NSRP1: variants seen among roughly 807,000 people sequenced by gnomAD.
NSRP1 encodes the protein nuclear speckle splicing regulatory protein 1, also known as coiled-coil domain containing 55.
Under a neutral mutation model 54.7 loss-of-function variants are expected in NSRP1, and 24 were observed. The ratio of observed to expected loss-of-function variants is 0.44; its 90% CI spans 0.32 to 0.62. NSRP1 has a LOEUF of 0.62. Among genes scored for constraint, NSRP1 ranks in the 20% least tolerant of loss-of-function variants. The pLI is 0.06. For synonymous variants in NSRP1, 210 were observed against 213.8 expected (o/e 0.98, Z 0.15); for missense variants, 596 against 651.2 (o/e 0.92, Z 0.92).
At chr17:30,178,716 A>G (rs1454797049) in intron 4 of NSRP1, among the ~76,000 whole-genome samples, 1 of 152,192 alleles carries the variant, frequency 6.6e-6, no homozygotes, top group Non-Finnish European at 1.5e-5. Context: ...GTTATCTACT[A>G]GTAGAGTGAT....
At chr17:30,135,315 A>T (rs2071739748) in intron 2 of NSRP1, among the ~76,000 whole-genome samples, 1 of 146,516 alleles carries the variant, frequency 6.8e-6, no homozygotes, top group East Asian at 2.0e-4. Context: ...TAGAGACAGG[A>T]TTTCACCATG....
At chr17:30,122,387 T>TATATA (rs56155916) in intron 2 of NSRP1, 16 of 8,840 alleles carry the variant, frequency 1.8e-3, no homozygotes, top group South Asian at 0.012. Context: ...ATATATATAT[T>TATATA]TTTTTTTTTT....
intron 2 of NSRP1, among the ~76,000 whole-genome samples, chr17:30,131,548 T>TAA (rs58511161): frequency 2.5e-4 from 38 of 152,100 alleles, no homozygotes; most frequent in East Asian, 1.2e-3. Flanking sequence ...GCATTATAGC[T>TAA]AAAAAAATGC....
At chr17:30,149,300 T>A (rs545544181) in intron 2 of NSRP1, among the ~76,000 whole-genome samples, 8 of 152,124 alleles carry the variant, frequency 5.3e-5, no homozygotes, top group Non-Finnish European at 7.4e-5. Context: ...TCCTCCAACC[T>A]TGGCCTCCCA....
chr17:30,133,584 A>G (rs1340585494), intron 2 of NSRP1, among the ~76,000 whole-genome samples: 1 of 152,160 alleles, frequency 6.6e-6, no homozygotes, highest in Non-Finnish European at 1.5e-5. Context: ...CAAATTGTCA[A>G]TGAGAGTCAG....
intron 2 of NSRP1, among the ~76,000 whole-genome samples, chr17:30,169,867 G>T (rs1904863563): frequency 6.7e-6 from 1 of 149,994 alleles, no homozygotes; most frequent in South Asian, 2.1e-4. Flanking sequence ...AGCACCAATT[G>T]CTGGTACAAT....
chr17:30,174,053 T>G lies in NSRP1; in HGVS notation c.171+1455T>G, dbSNP rs146702757. On this transcript the variant is annotated intron_variant, in intron 3 of 6. Transcript: ENST00000247026. ...TTTGGAGATACCATTAAGTTCAACT[T>G]CCTCACTATATAAATGGGAGACTTA... is the stretch of plus-strand genomic sequence containing the variant. Among the ~76,000 whole-genome samples the G allele has an allele frequency of 7.2e-4, 110 of 152,336 alleles. No individual in the cohort carries two copies. In the East Asian group the frequency reaches 0.018, roughly 25 times the overall value.
chr17:30,185,305 T>G lies in NSRP1; in HGVS notation c.1308T>G (p.Asp436Glu), dbSNP rs138101458. The G allele has an allele frequency of 2.6e-4, 413 of 1,604,540 alleles. 2 individuals carry two copies. The East Asian group carries it at 7.8e-3, about 30-fold the overall frequency. ...ERYENNDKYR[D>E]REKREVGVQS... is the part of the protein sequence containing the mutation. Reference sequence around the variant, plus strand: ...ATGAAAATAATGATAAATACAGAGATAGAGAAAAACGAGAGGTAGGTGTTC... The same window carrying G: ...ATGAAAATAATGATAAATACAGAGAGAGAGAAAAACGAGAGGTAGGTGTTC... The change falls in exon 7 of 7, where the codon GAT (aspartate) becomes GAG (glutamate). Residue 436 changes from aspartate to glutamate, a missense_variant. Coordinates refer to ENST00000247026, the MANE Select transcript of NSRP1 (RefSeq NM_032141.4).
intron 1 of NSRP1, 140 bp downstream of exon 1, chr17:30,117,003 G>A: frequency 9.3e-7 from 1 of 1,069,610 alleles, no homozygotes; most frequent in Non-Finnish European, 1.4e-6. Flanking sequence ...GAGAAGTCCT[G>A]AGGAACATAG....
At chr17:30,127,554 C>G (rs1406746449) in intron 2 of NSRP1, among the ~76,000 whole-genome samples, 1 of 152,124 alleles carries the variant, frequency 6.6e-6, no homozygotes, top group Non-Finnish European at 1.5e-5. Flanking sequence ...GCTGGCACCA[C>G]AGGGATGTGC....
chr17:30,131,001 T>G (rs889738872), intron 2 of NSRP1, among the ~76,000 whole-genome samples: 4 of 152,086 alleles, frequency 2.6e-5, no homozygotes, highest in Non-Finnish European at 5.9e-5. Flanking sequence ...GTGGTGGTGG[T>G]GGGGGGTGAT....
chr17:30,172,932 GATAGATACAAATATATAGATAT>G (rs1454299966), intron 3 of NSRP1, among the ~76,000 whole-genome samples: 1 of 151,288 alleles, frequency 6.6e-6, no homozygotes, highest in Non-Finnish European at 1.5e-5. Flanking sequence ...GAATATCAGA[GATAGATACAAATATATAGATAT>G]ATAGATATAT....
Position 30,184,923 on chromosome 17 carries a change from C to T in NSRP1, c.926C>T (p.Thr309Met), listed in dbSNP as rs777094250. ...STRHHTKGSRTSRGHEKREDQ... is the reference protein window; with the variant it reads ...STRHHTKGSRMSRGHEKREDQ... The stretch of plus-strand genomic sequence containing the variant: ...AGGCACCACACGAAAGGATCACGAA[C>T]GTCGAGAGGACATGAGAAAAGGGAA... Residue 309 changes from threonine (T) to methionine (M), a missense_variant, in exon 7 of 7, where the codon ACG becomes ATG. Transcript: ENST00000247026. 2 of 1,614,000 alleles carry T rather than the reference C, an allele frequency of 1.2e-6. No individual in the cohort carries two copies. The highest frequency in any genetic ancestry group is 1.1e-5 in the South Asian group (1 of 91,076).
At chr17:30,148,035 G>A (rs761623413) in intron 2 of NSRP1, among the ~76,000 whole-genome samples, 5 of 149,524 alleles carry the variant, frequency 3.3e-5, no homozygotes, top group African/African-American at 7.4e-5. Flanking sequence ...CTCATCTTGC[G>A]AACTCCTGAC....
At chr17:30,134,868 A>G (rs904069359) in intron 2 of NSRP1, among the ~76,000 whole-genome samples, 2 of 152,208 alleles carry the variant, frequency 1.3e-5, no homozygotes, top group African/African-American at 4.8e-5. Context: ...GGGAACACAA[A>G]TAGAAGTTGT....
chr17:30,159,904 T>C, intron 2 of NSRP1, among the ~76,000 whole-genome samples: 1 of 152,148 alleles, frequency 6.6e-6, no homozygotes, highest in East Asian at 1.9e-4. Flanking sequence ...TCAAGTGATC[T>C]GCTCGCCTTG....
At chr17:30,119,419 G>A (rs2071577048) in intron 2 of NSRP1, among the ~76,000 whole-genome samples, 1 of 151,826 alleles carries the variant, frequency 6.6e-6, no homozygotes, top group Non-Finnish European at 1.5e-5. Flanking sequence ...CACCATGTTG[G>A]CCAGGCTGGT....
At chr17:30,119,656 C>T (rs557969937) in intron 2 of NSRP1, among the ~76,000 whole-genome samples, 1 of 152,300 alleles carries the variant, frequency 6.6e-6, no homozygotes, top group African/African-American at 2.4e-5. Context: ...GAACACACCA[C>T]CACGCCTGGC....
intron 1 of NSRP1, chr17:30,117,221 C>G (rs770899380): frequency 6.4e-6 from 4 of 627,594 alleles, no homozygotes; most frequent in African/African-American, 3.7e-5. Context: ...TGAAGAGAGA[C>G]AGTTCCTGGC....
Sources: allele counts gnomAD v4.1 joint callset (sites outside exome capture counted in the v4.1 genomes callset), GRCh38; gene constraint gnomAD v4.1.1; transcripts MANE v1.5; gene names NCBI Gene and HGNC (gene_info 2026-07-23, HGNC 2026-07-21).